The following TRAPPC3L variants were observed in gnomAD, a reference collection of about 807,000 sequenced individuals.
TRAPPC3L encodes the protein trafficking protein particle complex subunit 3L.
Under a neutral mutation model 23.7 loss-of-function variants are expected in TRAPPC3L, and 23 were observed. That is an observed-to-expected ratio of 0.97 (90% CI 0.70 to 1.37). The LOEUF (loss-of-function observed/expected upper bound fraction) is 1.37. Among genes scored for constraint, TRAPPC3L ranks in the 40% most tolerant of loss-of-function variants. The probability of loss-of-function intolerance (pLI) is 0.00; values close to 1 mark genes in which losing one functional copy is unlikely to be tolerated. For synonymous variants in TRAPPC3L, 81 were observed against 77.9 expected, an observed-to-expected ratio of 1.04 and a Z score of -0.21; for missense variants, 212 against 216.8, an observed-to-expected ratio of 0.98 and a Z score of 0.14.
At chr6:116,536,701 G>A (rs1236134573) in intron 3 of TRAPPC3L, among the ~76,000 whole-genome samples, 3 of 152,128 alleles carry the variant, frequency 2.0e-5, no homozygotes, top group Non-Finnish European at 4.4e-5. Flanking sequence ...TACTTGAGAC[G>A]GATGATGATG....
intron 1 of TRAPPC3L, chr6:116,543,708 A>G: frequency 1.0e-5 from 10 of 969,248 alleles, no homozygotes; most frequent in South Asian, 1.5e-5. Flanking sequence ...TTTTAAAAAT[A>G]CTAATTTCTA....
At chr6:116,523,473 C>A (rs1240696688) in intron 3 of TRAPPC3L, 1 of 152,142 alleles carries the variant, frequency 6.6e-6, no homozygotes, top group Non-Finnish European at 1.5e-5. Context: ...TCTACTAATT[C>A]TTTTATTGTT....
chr6:116,538,984 C>T (rs1273549643), intron 3 of TRAPPC3L, among the ~76,000 whole-genome samples: 1 of 151,990 alleles, frequency 6.6e-6, no homozygotes, highest in Non-Finnish European at 1.5e-5. Flanking sequence ...AGTGATTTGC[C>T]CACACTAAGC....
rs573315790 is a variant in TRAPPC3L, at chr6:116,543,664, G to T, written c.43-264C>A. Reference sequence around the variant, plus strand: ...CATCTTTCTATGCATTTGCTTACATGATAACTTGCAATGTATTTTCATGGA... The same window carrying T: ...CATCTTTCTATGCATTTGCTTACATTATAACTTGCAATGTATTTTCATGGA... On this transcript the variant is annotated intron_variant, in intron 1 of 4. Transcript: ENST00000368602. The T allele has an allele frequency of 2.8e-4, 202 of 726,198 alleles. No individual in the cohort carries two copies. The African/African-American group carries it at 3.4e-3, about 12-fold the overall frequency. The allele number at this position is 726,198 out of a possible 1,614,324, so 45.0% of individuals were successfully genotyped here. A position where few individuals can be genotyped will look rare whatever the true frequency, so the allele number is the denominator to read the frequency against.
chr6:116,521,777 A>T (rs997551381), intron 3 of TRAPPC3L: 1 of 152,190 alleles, frequency 6.6e-6, no homozygotes, highest in Non-Finnish European at 1.5e-5. Flanking sequence ...TAAATTAAAT[A>T]TGGTTCAATG....
intron 3 of TRAPPC3L, among the ~76,000 whole-genome samples, chr6:116,537,196 T>C (rs555971074): frequency 6.6e-6 from 1 of 152,280 alleles, no homozygotes; most frequent in South Asian, 2.1e-4. Flanking sequence ...AGAAAGAATC[T>C]TGCATAGGAG....
At chr6:116,509,091 T>TAAAAAAAAAAAAA (rs56112495) in intron 3 of TRAPPC3L, among the ~76,000 whole-genome samples, 1 of 128,044 alleles carries the variant, frequency 7.8e-6, no homozygotes, top group Admixed American at 7.7e-5. Context: ...ATAAGAGTTG[T>TAAAAAAAAAAAAA]AAAAAAAAAA....
At chr6:116,527,547 A>G (rs1373418189) in intron 3 of TRAPPC3L, among the ~76,000 whole-genome samples, 2 of 148,110 alleles carry the variant, frequency 1.4e-5, no homozygotes, top group East Asian at 4.0e-4. Context: ...AAAGATTCCC[A>G]TGCTATGTGT....
At position 116,516,708 on chromosome 6, in the gene TRAPPC3L, T is replaced by TACAC. The variant is rs796580006; in HGVS notation, c.241-16046_241-16043dup. 2.6e-3 allele frequency: 307 copies of TACAC among 119,488 alleles called. 4 individuals carry two copies. Among genetic ancestry groups the TACAC allele is most frequent in the African/African-American group, 4.4e-3 (125 of 28,438 alleles). 7.4% of individuals were successfully genotyped at this position (119,488 alleles called of 1,614,324 possible). A position where few individuals can be genotyped will look rare whatever the true frequency, so the allele number is the denominator to read the frequency against. On this transcript the variant is annotated intron_variant, in intron 3 of 4. Coordinates refer to ENST00000368602, the MANE Select transcript of TRAPPC3L (RefSeq NM_001139444.3). ...ATATATATATATATATATATATATA[T>TACAC]ACACACACACAGAAATATATATTTA...
intron 3 of TRAPPC3L, among the ~76,000 whole-genome samples, chr6:116,527,901 A>G (rs1359939451): frequency 6.6e-6 from 1 of 152,210 alleles, no homozygotes; most frequent in African/African-American, 2.4e-5. Context: ...ACCATGACAC[A>G]TGTATACCTA....
chr6:116,533,236 T>A (rs988994075), intron 3 of TRAPPC3L, among the ~76,000 whole-genome samples: 2 of 152,210 alleles, frequency 1.3e-5, no homozygotes, highest in African/African-American at 4.8e-5. Context: ...TTGGAGGGAT[T>A]GAGAAAGCGA....
At chr6:116,540,229 C>A (rs930924868) in intron 3 of TRAPPC3L, 134 bp downstream of exon 3, 1 of 808,528 alleles carries the variant, frequency 1.2e-6, no homozygotes. Flanking sequence ...AAATGCTTTT[C>A]AATCAGAATC....
intron 3 of TRAPPC3L, among the ~76,000 whole-genome samples, chr6:116,534,932 A>C (rs1258467124): frequency 6.6e-6 from 1 of 152,200 alleles, no homozygotes; most frequent in Non-Finnish European, 1.5e-5. Flanking sequence ...CTGTGACAAC[A>C]AAGTAATGTG....
intron 3 of TRAPPC3L, among the ~76,000 whole-genome samples, chr6:116,508,383 G>A (rs1772044010): frequency 6.6e-6 from 1 of 152,174 alleles, no homozygotes. Context: ...ATACCATGAT[G>A]GGGTTCAGGG....
At chr6:116,525,179 A>G (rs1010998510) in intron 3 of TRAPPC3L, among the ~76,000 whole-genome samples, 45 of 152,310 alleles carry the variant, frequency 3.0e-4, no homozygotes, top group African/African-American at 1.1e-3. Flanking sequence ...GAATTAGTAC[A>G]TCTCAAAGTC....
chr6:116,500,351 G>A (rs1387806253), intron 4 of TRAPPC3L, 130 bp downstream of exon 4: 3 of 811,764 alleles, frequency 3.7e-6, no homozygotes, highest in East Asian at 2.7e-5. Context: ...CTACATTTTG[G>A]GGGTAATTTG....
At chr6:116,503,320 G>T (rs918420348) in intron 3 of TRAPPC3L, among the ~76,000 whole-genome samples, 1 of 152,148 alleles carries the variant, frequency 6.6e-6, no homozygotes, top group Non-Finnish European at 1.5e-5. Flanking sequence ...AACAAGAAGA[G>T]CTAACTATCC....
intron 1 of TRAPPC3L, 143 bp downstream of exon 1, chr6:116,545,330 G>A: frequency 1.7e-6 from 1 of 579,524 alleles, no homozygotes; most frequent in Non-Finnish European, 3.0e-6. Flanking sequence ...ATTCCTAGAT[G>A]TGTCATTTAT....
chr6:116,511,914 C>T lies in TRAPPC3L; in HGVS notation c.241-11248G>A, dbSNP rs748229444. On this transcript the variant is annotated intron_variant, in intron 3 of 4. Coordinates refer to ENST00000368602, the MANE Select transcript of TRAPPC3L (RefSeq NM_001139444.3). ...CTGGGATTCTTTCTGAACAATAGGTCGTGGAGACTCTTCACAGGCTGCTGT... is the reference window on the plus strand; with the variant it reads ...CTGGGATTCTTTCTGAACAATAGGTTGTGGAGACTCTTCACAGGCTGCTGT... 5.0e-6 allele frequency: 8 copies of T among 1,613,964 alleles called. No homozygotes were observed. Among genetic ancestry groups the T allele is most frequent in the Non-Finnish European group, 6.8e-6 (8 of 1,179,980 alleles).
Sources: allele counts gnomAD v4.1 joint callset (sites outside exome capture counted in the v4.1 genomes callset), GRCh38; gene constraint gnomAD v4.1.1; transcripts MANE v1.5; gene names NCBI Gene and HGNC (gene_info 2026-07-23, HGNC 2026-07-21).